RGS6: variants seen among roughly 807,000 people sequenced by gnomAD.
RGS6 encodes regulator of G-protein signaling 6.
In RGS6, 30 loss-of-function variants were observed where a neutral mutation model predicts 78.5. That is an observed-to-expected ratio of 0.38 (90% CI 0.29 to 0.52). RGS6 has a LOEUF of 0.52. RGS6 is among the 20% of genes least tolerant of loss of function. The pLI is 0.85. For synonymous variants in RGS6, 206 were observed against 206.0 expected (o/e 1.00, Z 0.00); for missense variants, 495 against 609.7 (o/e 0.81, Z 1.98).
At chr14:72,066,515 T>C (rs1297942283) in intron 2 of RGS6, among the ~76,000 whole-genome samples, 6 of 150,644 alleles carry the variant, frequency 4.0e-5, no homozygotes, top group Non-Finnish European at 5.9e-5. Context: ...TTTTTTTTTT[T>C]TTTGGTGCTT....
chr14:72,077,201 A>G (rs2094608878), intron 2 of RGS6, among the ~76,000 whole-genome samples: 1 of 152,032 alleles, frequency 6.6e-6, no homozygotes, highest in Non-Finnish European at 1.5e-5. Flanking sequence ...ATTTATTGGT[A>G]TAATTGAACA....
At chr14:72,244,044 G>A (rs865898135) in intron 2 of RGS6, among the ~76,000 whole-genome samples, 3 of 152,274 alleles carry the variant, frequency 2.0e-5, no homozygotes, top group Middle Eastern at 3.4e-3. Flanking sequence ...TAGCAAGCTG[G>A]AAAAGTCCCT....
chr14:72,349,002 T>TA (rs1028139890), intron 2 of RGS6, among the ~76,000 whole-genome samples: 1 of 151,964 alleles, frequency 6.6e-6, no homozygotes, highest in Non-Finnish European at 1.5e-5. Context: ...CTGTCTCTAC[T>TA]AAAAATACAA....
At chr14:72,430,562 C>G (rs535679699) in intron 3 of RGS6, among the ~76,000 whole-genome samples, 1 of 152,332 alleles carries the variant, frequency 6.6e-6, no homozygotes, top group East Asian at 1.9e-4. Context: ...CCCTAGGTCT[C>G]CAGCTGAGAT....
chr14:72,433,392 T>C (rs986495932), intron 3 of RGS6, among the ~76,000 whole-genome samples: 6 of 151,904 alleles, frequency 3.9e-5, no homozygotes, highest in African/African-American at 1.5e-4. Context: ...ATGCTGGGCT[T>C]AATACCTAGG....
At chr14:72,491,378 TTAAG>T (rs2096576227) in intron 12 of RGS6, among the ~76,000 whole-genome samples, 2 of 152,088 alleles carry the variant, frequency 1.3e-5, no homozygotes, top group African/African-American at 2.4e-5. Flanking sequence ...AAGGAAACGA[TTAAG>T]TAAATTGTAA....
At chr14:72,593,344 A>G in the RGS6 span, among the ~76,000 whole-genome samples, 32 of 152,166 alleles carry the variant, frequency 2.1e-4, no homozygotes, top group African/African-American at 7.2e-4. Flanking sequence ...GCAGCTTTCT[A>G]TGCCTCATTG....
Position 72,178,057 on chromosome 14 carries a change from G to C in RGS6, c.85-174038G>C, listed in dbSNP as rs1159054909. Among the ~76,000 whole-genome samples, 3 of 152,194 alleles carry C rather than the reference G, an allele frequency of 2.0e-5. No individual in the cohort carries two copies. The South Asian group carries it at 6.2e-4, about 32-fold the overall frequency. ...TTCCTCCCTGACTCGCATTCCTGCA[G>C]CCAATGCACCTGCTGGTCTGCTGGC... On this transcript the variant is annotated intron_variant, in intron 2 of 17. Transcript: ENST00000553525.
At chr14:71,954,205 T>G (rs1298052905) in intron 1 of RGS6, among the ~76,000 whole-genome samples, 5 of 151,838 alleles carry the variant, frequency 3.3e-5, no homozygotes, top group African/African-American at 1.2e-4. Flanking sequence ...GATCTGTGAT[T>G]TATTGTATGT....
At chr14:72,404,385 A>G (rs2092738763) in intron 3 of RGS6, among the ~76,000 whole-genome samples, 1 of 152,200 alleles carries the variant, frequency 6.6e-6, no homozygotes, top group Non-Finnish European at 1.5e-5. Context: ...TGTGCTCTGT[A>G]TGAAGCCAGA....
At chr14:72,242,923 A>G (rs2153827956) in intron 2 of RGS6, among the ~76,000 whole-genome samples, 1 of 123,714 alleles carries the variant, frequency 8.1e-6, no homozygotes, top group East Asian at 2.6e-4. Flanking sequence ...ATCTCGGCTC[A>G]CTGTAACCTC....
At chr14:71,893,386 TCAAACTTACC>T in the RGS6 span, among the ~76,000 whole-genome samples, 1 of 152,248 alleles carries the variant, frequency 6.6e-6, no homozygotes, top group Non-Finnish European at 1.5e-5. Flanking sequence ...GATTTTGATC[TCAAACTTACC>T]CTGTGCTCAG....
intron 15 of RGS6, among the ~76,000 whole-genome samples, chr14:72,527,223 A>C (rs1404348950): frequency 6.6e-6 from 1 of 152,252 alleles, no homozygotes; most frequent in Admixed American, 6.5e-5. Flanking sequence ...AGCAGTGGCC[A>C]CACCTTCTAC....
chr14:72,619,148 C>T, the RGS6 span: 3 of 752,828 alleles, frequency 4.0e-6, no homozygotes, highest in East Asian at 2.7e-5. Context: ...GCCTCACCCT[C>T]TTCGTTCCAT....
intron 13 of RGS6, among the ~76,000 whole-genome samples, chr14:72,501,387 T>A (rs1433566363): frequency 7.4e-6 from 1 of 135,192 alleles, no homozygotes; most frequent in Non-Finnish European, 1.5e-5. Flanking sequence ...AAGAAAGTTA[T>A]ATTCAGAGGG....
chr14:72,560,459 C>G (rs1454322690), intron 17 of RGS6, among the ~76,000 whole-genome samples: 1 of 152,142 alleles, frequency 6.6e-6, no homozygotes, highest in Non-Finnish European at 1.5e-5. Context: ...CAGGCCTGCC[C>G]CAGGAAGGCA....
intron 3 of RGS6, among the ~76,000 whole-genome samples, chr14:72,409,721 A>C (rs1232546587): frequency 6.6e-6 from 1 of 151,140 alleles, no homozygotes; most frequent in South Asian, 2.1e-4. Flanking sequence ...CTCTCCCCCA[A>C]CCCCACAACA....
chr14:72,438,110 A>G (rs2095024529), intron 3 of RGS6, among the ~76,000 whole-genome samples: 1 of 152,134 alleles, frequency 6.6e-6, no homozygotes, highest in Non-Finnish European at 1.5e-5. Flanking sequence ...TGGAGGGTTC[A>G]GCTGTTGGAG....
intron 1 of RGS6, among the ~76,000 whole-genome samples, chr14:71,960,008 C>A (rs1432835816): frequency 6.6e-6 from 1 of 152,172 alleles, no homozygotes; most frequent in African/African-American, 2.4e-5. Context: ...CCTATACCAT[C>A]GAGGCCCTTC....
Sources: gnomAD v4.1 joint callset for allele counts (sites outside exome capture counted in the v4.1 genomes callset) on GRCh38, gnomAD v4.1.1 for gene constraint, MANE v1.5 for transcripts, NCBI Gene and HGNC (gene_info 2026-07-23, HGNC 2026-07-21) for gene names.